Variants in NUMA1 observed in about 807,000 individuals in gnomAD.
NUMA1 encodes nuclear mitotic apparatus protein 1.
In NUMA1, 62 loss-of-function variants were observed where a neutral mutation model predicts 237.1. That is an observed-to-expected ratio of 0.26 (90% confidence interval 0.21 to 0.32). NUMA1 has a LOEUF of 0.32. NUMA1 is among the 10% of genes least tolerant of loss of function. The probability of loss-of-function intolerance (pLI) is 1.00; values close to 1 mark genes in which losing one functional copy is unlikely to be tolerated. For missense variants in NUMA1, 2,533 were observed against 2,666.5 expected (o/e 0.95, Z 1.10); for synonymous variants, 1,028 against 1,066.1 (o/e 0.96, Z 0.70).
At chr11:72,018,002 C>T in intron 12 of NUMA1, 175 bp from the exon 13 acceptor site, 1 of 978,446 alleles carries the variant, frequency 1.0e-6, no homozygotes, top group Non-Finnish European at 1.5e-6. Context: ...TTTAGGGTCA[C>T]AGCCCAGTAC....
In NUMA1 at chr11:72,025,172, G is replaced by A. The variant is rs553053199; in HGVS notation, c.129-819C>T. On this transcript the variant is annotated intron_variant, in intron 4 of 26. Coordinates refer to ENST00000393695, the MANE Select transcript of NUMA1 (RefSeq NM_006185.4). ...CTCAAAGTGCTGGGATTACAGGCTG[G>A]AGCCACTGCGCCCAGCTAGGACTAG... Among the ~76,000 whole-genome samples, 13 of 152,334 alleles carry A rather than the reference G, an allele frequency of 8.5e-5. No individual in the cohort carries two copies. In the East Asian group the frequency reaches 2.5e-3, roughly 29 times the overall value.
At position 72,013,302 on chromosome 11, in the gene NUMA1, G is replaced by A. The variant is rs1171397891; in HGVS notation, c.4201C>T (p.Arg1401Trp). The change falls in exon 15 of 27, where the codon CGG becomes TGG. Residue 1401 changes from arginine to tryptophan, a missense_variant. Coordinates refer to ENST00000393695, the MANE Select transcript of NUMA1 (RefSeq NM_006185.4). This position sits in a 1 kb window ranked among gnomAD's most constrained non-coding sequence, Gnocchi z 6.8. ...AGCTCCCCAAGCTCCCGCTGGGCCCGCAGCAGCTCTGCCCGCAGTCCCCCA... is the reference window on the plus strand; with the variant it reads ...AGCTCCCCAAGCTCCCGCTGGGCCCACAGCAGCTCTGCCCGCAGTCCCCCA... ...AAGGLRAELLRAQRELGELIP... is the reference protein window; with the variant it reads ...AAGGLRAELLWAQRELGELIP... 5.6e-6 allele frequency: 9 copies of A among 1,604,506 alleles called. No homozygotes were observed. Among genetic ancestry groups the A allele is most frequent in the Admixed American group, 1.7e-5 (1 of 59,986 alleles).
chr11:72,053,882 G>A (rs1312679606), intron 2 of NUMA1, among the ~76,000 whole-genome samples: 2 of 152,134 alleles, frequency 1.3e-5, no homozygotes, highest in South Asian at 2.1e-4. Context: ...ACAATACAAT[G>A]TAACAACTAT....
rs1955406660 is a variant in NUMA1 at position 72,003,537 on chromosome 11, G to A, written c.6338C>T (p.Ala2113Val). 1.2e-6 allele frequency: 2 copies of A among 1,614,054 alleles called. No individual in the cohort carries two copies. Among genetic ancestry groups the A allele is most frequent in the African/African-American group, 1.3e-5 (1 of 74,930 alleles). ...IGATPRAKGK[A>V]KH is the part of the protein sequence containing the mutation. ...ACTGGTACTGGCCCTTTAGTGCTTTGCCTGAAAGAGACACAGTCACATGGC... is the reference window on the plus strand; with the variant it reads ...ACTGGTACTGGCCCTTTAGTGCTTTACCTGAAAGAGACACAGTCACATGGC... The change falls in exon 27 of 27, where the codon GCA becomes GTA. Residue 2113 changes from alanine to valine, a missense_variant and splice_region_variant. By Grantham distance (64) the Ala-to-Val change is moderately conservative. Coordinates refer to ENST00000393695, the MANE Select transcript of NUMA1 (RefSeq NM_006185.4).
At chr11:72,021,615 ATTG>A (rs931719274) in intron 7 of NUMA1, among the ~76,000 whole-genome samples, 2 of 152,206 alleles carry the variant, frequency 1.3e-5, no homozygotes, top group African/African-American at 4.8e-5. Context: ...TTTTATTGTT[ATTG>A]TTGTTAAGAA....
At chr11:72,074,072 T>G (rs979225477) in intron 1 of NUMA1, among the ~76,000 whole-genome samples, 1 of 152,070 alleles carries the variant, frequency 6.6e-6, no homozygotes, top group African/African-American at 2.4e-5. Context: ...CGCATGCCTG[T>G]AATCCCAGCT....
chr11:72,032,087 G>A (rs1940414052), intron 3 of NUMA1, among the ~76,000 whole-genome samples: 1 of 152,120 alleles, frequency 6.6e-6, no homozygotes, highest in Non-Finnish European at 1.5e-5. Context: ...CTTGAGTGCA[G>A]GAGTTCCAGG....
intron 9 of NUMA1, 65 bp from the exon 10 acceptor site, chr11:72,019,045 C>A: frequency 6.3e-7 from 1 of 1,580,406 alleles, no homozygotes; most frequent in Non-Finnish European, 8.6e-7. Context: ...CAGCAACAGG[C>A]AGCAGTAAGG....
At chr11:72,043,715 A>G (rs1941831000) in intron 2 of NUMA1, among the ~76,000 whole-genome samples, 1 of 152,104 alleles carries the variant, frequency 6.6e-6, no homozygotes, top group Non-Finnish European at 1.5e-5. Context: ...TAGAGGTCAC[A>G]ATCATTGGCT....
In NUMA1 at chr11:72,013,901, T is replaced by G; in HGVS notation, c.3602A>C (p.Asp1201Ala). Residue 1201 changes from aspartate (D) to alanine (A), a missense_variant, in exon 15 of 27, where the codon GAC becomes GCC. By Grantham distance (126) the Asp-to-Ala change is moderately radical. Transcript: ENST00000393695. The surrounding 1 kb of genome is among the most constrained non-coding windows in gnomAD (Gnocchi z 6.8). ...CCACTCATCTTCAGCCTTGCTGTGG[T>G]CTTGTACCTTGGTGCGGAAGGCAGC... is the stretch of plus-strand genomic sequence containing the variant. ...ELAAFRTKVQ[D>A]HSKAEDEWKA... The G allele has an allele frequency of 6.2e-7, 1 of 1,613,950 alleles. No homozygotes were observed. The highest frequency in any genetic ancestry group is 8.5e-7 in the Non-Finnish European group (1 of 1,180,022).
At position 72,013,934 on chromosome 11, in the gene NUMA1, C is replaced by T. The variant is rs375662470; in HGVS notation, c.3569G>A (p.Arg1190Gln). Reference sequence around the variant, plus strand: ...CTTGGTGCGGAAGGCAGCCAACTCCCGTTGGGCCGAGGCTAAGGCACTCTG... The same window carrying T: ...CTTGGTGCGGAAGGCAGCCAACTCCTGTTGGGCCGAGGCTAAGGCACTCTG... ...HSQSALASAQ[R>Q]ELAAFRTKVQ... The change falls in exon 15 of 27, where the codon CGG becomes CAG. Residue 1190 changes from arginine (R) to glutamine (Q), a missense_variant. Coordinates refer to ENST00000393695, the MANE Select transcript of NUMA1 (RefSeq NM_006185.4). This position sits in a 1 kb window ranked among gnomAD's most constrained non-coding sequence, Gnocchi z 6.8. The T allele has an allele frequency of 8.1e-6, 13 of 1,613,840 alleles. No individual in the cohort carries two copies. Among genetic ancestry groups the T allele is most frequent in the East Asian group, 2.2e-5 (1 of 44,878 alleles).
At chr11:72,026,116 TG>T in intron 4 of NUMA1, among the ~76,000 whole-genome samples, 1 of 152,202 alleles carries the variant, frequency 6.6e-6, no homozygotes, top group Non-Finnish European at 1.5e-5. Flanking sequence ...CAAAGCCTGG[TG>T]TAAGTAAAGC....
chr11:72,074,285 G>A (rs963784198), intron 1 of NUMA1, among the ~76,000 whole-genome samples: 5 of 151,952 alleles, frequency 3.3e-5, no homozygotes, highest in African/African-American at 1.2e-4. Context: ...CCTGGGAGGT[G>A]GAAGTTGCAG....
chr11:72,057,907 TAAA>T (rs749792471), intron 2 of NUMA1, among the ~76,000 whole-genome samples: 1 of 132,680 alleles, frequency 7.5e-6, no homozygotes. Flanking sequence ...CTGTCTCTAT[TAAA>T]AAAAAAAAAA....
At chr11:72,011,225 G>A (rs1956141194) in intron 16 of NUMA1, among the ~76,000 whole-genome samples, 1 of 152,192 alleles carries the variant, frequency 6.6e-6, no homozygotes, top group Admixed American at 6.5e-5. Flanking sequence ...CCAGGACCTA[G>A]TCTGTAATTC....
rs1045003361 is a variant in NUMA1, at chr11:72,004,404, C to T, written c.6007-63G>A. On this transcript the variant is annotated intron_variant, in intron 24 of 26. Transcript: ENST00000393695. ...AGGAGTCACATCTGAAGCCAGGTGT[C>T]TTGTCCTCTCAGAGCTGAGTGGACC... 13 of 1,458,384 alleles carry T rather than the reference C, an allele frequency of 8.9e-6. No homozygotes were observed. In the African/African-American group the frequency reaches 1.6e-4, roughly 17 times the overall value. The allele number at this position is 1,458,384 out of a possible 1,614,324, so 90.3% of individuals were successfully genotyped here.
At chr11:72,060,844 G>A (rs1942900737) in intron 2 of NUMA1, among the ~76,000 whole-genome samples, 1 of 152,176 alleles carries the variant, frequency 6.6e-6, no homozygotes, top group Non-Finnish European at 1.5e-5. Context: ...GCCGAGGCGG[G>A]CGGATCACGA....
intron 1 of NUMA1, among the ~76,000 whole-genome samples, chr11:72,078,943 T>C (rs931575278): frequency 6.6e-6 from 1 of 152,110 alleles, no homozygotes; most frequent in Admixed American, 6.5e-5. Flanking sequence ...ACCCAGAAGT[T>C]TGGAAACATA....
chr11:72,005,489 G>T, intron 22 of NUMA1, 120 bp from the exon 23 acceptor site: 1 of 883,720 alleles, frequency 1.1e-6, no homozygotes, highest in Non-Finnish European at 1.8e-6. Context: ...CAGCACACCA[G>T]TCTGATTCAG....
Sources: gnomAD v4.1 joint callset for allele counts (sites outside exome capture counted in the v4.1 genomes callset) on GRCh38, gnomAD v4.1.1 for gene constraint, Gnocchi (gnomAD v3.1) non-coding constraint, MANE v1.5 for transcripts, NCBI Gene and HGNC (gene_info 2026-07-23, HGNC 2026-07-21) for gene names.